HAL: variants seen among roughly 807,000 people sequenced by gnomAD.
The protein encoded by HAL is histidine ammonia-lyase, also known as histidase.
Under a neutral mutation model 81.1 loss-of-function variants are expected in HAL, and 85 were observed. The observed-to-expected ratio is 1.05, with a 90% CI of 0.88 to 1.25. The LOEUF (loss-of-function observed/expected upper bound fraction) is 1.25. Ranked by LOEUF, HAL falls within the 50% of genes most tolerant of loss-of-function variation. The probability of loss-of-function intolerance (pLI) is 0.00; values close to 1 mark genes in which losing one functional copy is unlikely to be tolerated. For missense variants in HAL, 798 were observed against 836.6 expected (o/e 0.95, Z 0.57); for synonymous variants, 301 against 309.2 (o/e 0.97, Z 0.28).
intron 18 of HAL, 106 bp downstream of exon 18, chr12:95,977,838 C>A: frequency 3.2e-6 from 4 of 1,232,792 alleles, no homozygotes; most frequent in Non-Finnish European, 4.8e-6. Flanking sequence ...GCCTTCCTAA[C>A]AAGTTTCCAG....
rs564224118 is a variant in HAL at position 95,976,346 on chromosome 12, G to C, written c.1833+83C>G. Reference sequence around the variant, plus strand: ...CCCAAGGAATGGCCAGAAAACAATAGAATAAGGCAATGTTTCTCCATCCCC... The same window carrying C: ...CCCAAGGAATGGCCAGAAAACAATACAATAAGGCAATGTTTCTCCATCCCC... On this transcript the variant is annotated intron_variant, in intron 20 of 20. Coordinates refer to ENST00000261208, the MANE Select transcript of HAL (RefSeq NM_002108.4). 5.5e-4 allele frequency: 601 copies of C among 1,087,998 alleles called. 4 individuals carry two copies. Among genetic ancestry groups the C allele is most frequent in the South Asian group, 3.9e-3 (314 of 80,230 alleles). 67.4% of individuals were successfully genotyped at this position (1,087,998 alleles called of 1,614,324 possible).
chr12:95,980,822 G>C lies in HAL; in HGVS notation c.1329C>G (p.Asn443Lys), dbSNP rs150083495. 80 of 1,593,586 alleles carry C rather than the reference G, an allele frequency of 5.0e-5. No homozygotes were observed. The highest frequency in any genetic ancestry group is 6.5e-5 in the Non-Finnish European group (76 of 1,161,692). Residue 443 changes from asparagine to lysine, a missense_variant, in exon 16 of 21, where the codon AAC (asparagine) becomes AAG (lysine). Coordinates refer to ENST00000261208, the MANE Select transcript of HAL (RefSeq NM_002108.4). ...ANRGETVSGG[N>K]FHGEYPAKAL... ...CTTTGGCTGGGTATTCACCATGGAA[G>C]TTTCCTCCAGAAACTGTCTCTCCCC...
intron 20 of HAL, 58 bp downstream of exon 20, chr12:95,976,371 C>G (rs773493143): frequency 7.5e-7 from 1 of 1,338,462 alleles, no homozygotes; most frequent in South Asian, 1.2e-5. Context: ...TCTCCATCCC[C>G]GACTTTGCTT....
intron 7 of HAL, 140 bp from the exon 8 acceptor site, chr12:95,993,628 T>A (rs1448704806): frequency 1.2e-6 from 1 of 836,710 alleles, no homozygotes. Context: ...AGCCTGGGTT[T>A]TCAATACCAA....
intron 15 of HAL, 180 bp downstream of exon 15, chr12:95,983,731 C>A: frequency 1.6e-6 from 1 of 630,024 alleles, no homozygotes; most frequent in South Asian, 1.9e-5. Flanking sequence ...GTCACCTCTG[C>A]CACTTACCAG....
chr12:95,986,853 C>A (rs558066289), intron 12 of HAL, among the ~76,000 whole-genome samples: 2 of 152,094 alleles, frequency 1.3e-5, no homozygotes, highest in Admixed American at 6.5e-5. Context: ...CACTCAACTT[C>A]CGGGCTGTGT....
At position 95,993,665 on chromosome 12, in the gene HAL, A is replaced by G. The variant is rs780282095; in HGVS notation, c.551+107T>C. ...TCACATGCAAGGTAACCCAAGCCTCATCCTCTGATCTGTAAATTGGGGCAA... is the reference window on the plus strand; with the variant it reads ...TCACATGCAAGGTAACCCAAGCCTCGTCCTCTGATCTGTAAATTGGGGCAA... On this transcript the variant is annotated intron_variant, in intron 7 of 20. Transcript: ENST00000261208. 8 of 862,392 alleles carry G rather than the reference A, an allele frequency of 9.3e-6. No individual in the cohort carries two copies. The African/African-American group carries it at 1.2e-4, about 13-fold the overall frequency. 53.4% of individuals were successfully genotyped at this position (862,392 alleles called of 1,614,324 possible). A position where few individuals can be genotyped will look rare whatever the true frequency, so the allele number is the denominator to read the frequency against.
chr12:95,978,431 G>A (rs555162273), intron 17 of HAL, among the ~76,000 whole-genome samples: 9 of 152,262 alleles, frequency 5.9e-5, no homozygotes, highest in African/African-American at 2.2e-4. Context: ...CGTCAATTTG[G>A]TTGTGTCACC....
chr12:95,974,514 A>G (rs1424442056), intron 20 of HAL, 142 bp from the exon 21 acceptor site: 5 of 758,476 alleles, frequency 6.6e-6, no homozygotes, highest in Non-Finnish European at 1.2e-5. Context: ...ATTTTAAGCC[A>G]TTTGACACAT....
At chr12:95,993,310 C>T (rs909354319) in intron 8 of HAL, 141 bp downstream of exon 8, 1 of 736,580 alleles carries the variant, frequency 1.4e-6, no homozygotes, top group African/African-American at 1.7e-5. Flanking sequence ...TTCTGCATCC[C>T]TTCTCACCTC....
intron 15 of HAL, 138 bp from the exon 16 acceptor site, chr12:95,981,001 C>A (rs532173652): frequency 1.4e-6 from 1 of 727,750 alleles, no homozygotes; most frequent in Non-Finnish European, 2.5e-6. Flanking sequence ...AGTCTTCCTG[C>A]AAGAGATATA....
chr12:95,995,670 C>G lies in HAL; in HGVS notation c.241G>C (p.Glu81Gln). The G allele has an allele frequency of 6.2e-7, 1 of 1,613,444 alleles. No homozygotes were observed. The highest frequency in any genetic ancestry group is 8.5e-7 in the Non-Finnish European group (1 of 1,180,040). The change falls in exon 2 of 21, where the codon GAA becomes CAA. Residue 81 changes from glutamate (E) to glutamine (Q), a missense_variant. Glu to Gln is a conservative substitution (Grantham distance 29). Transcript: ENST00000261208. Reference protein sequence around the residue: ...EVALENNEFVEVVIEGDAMSP... With the variant: ...EVALENNEFVQVVIEGDAMSP... ...CTCTCCTGCAGCCACTCACCCACTT[C>G]CACGAACTCGTTGTTCTCTAGGGCC...
chr12:95,974,471 A>T, intron 20 of HAL, 99 bp from the exon 21 acceptor site: 1 of 1,021,466 alleles, frequency 9.8e-7, no homozygotes. Context: ...TACTCTATAC[A>T]TGACCAGACA....
chr12:95,983,204 AC>A (rs1177942477), intron 15 of HAL, among the ~76,000 whole-genome samples: 1 of 152,188 alleles, frequency 6.6e-6, no homozygotes, highest in African/African-American at 2.4e-5. Flanking sequence ...CCTGGCCAAC[AC>A]AGCAAAACCC....
rs1393349832 is a variant in HAL at position 95,980,549 on chromosome 12, T to C, written c.1519+7A>G. 6.2e-7 allele frequency: 1 copy of C among 1,612,224 alleles called. No individual in the cohort carries two copies. Among genetic ancestry groups the C allele is most frequent in the African/African-American group, 1.3e-5 (1 of 74,844 alleles). On this transcript the variant is annotated splice_region_variant and intron_variant, in intron 17 of 20. Coordinates refer to ENST00000261208, the MANE Select transcript of HAL (RefSeq NM_002108.4). Reference sequence around the variant, plus strand: ...CGTGTGTTCTGGGAAAGGGGCAGTGTCCTTACCAAGGGCTGCTGCCGTGCA... The same window carrying C: ...CGTGTGTTCTGGGAAAGGGGCAGTGCCCTTACCAAGGGCTGCTGCCGTGCA...
chr12:95,990,091 G>C (rs1949950374), intron 10 of HAL, among the ~76,000 whole-genome samples: 1 of 152,194 alleles, frequency 6.6e-6, no homozygotes, highest in African/African-American at 2.4e-5. Flanking sequence ...GAGAGTGTGT[G>C]ACCTCCCTGC....
chr12:95,978,337 G>C lies in HAL; in HGVS notation c.1520-259C>G, dbSNP rs1045258579. 2.0e-5 allele frequency among the ~76,000 whole-genome samples: 3 copies of C among 152,142 alleles called. No individual in the cohort carries two copies. In the South Asian group the frequency reaches 6.2e-4, roughly 32 times the overall value. ...GAACTGGGAATTCTAATATAACAAG[G>C]CCAAGATGACAACCTGGGAAGCATA... is the stretch of plus-strand genomic sequence containing the variant. On this transcript the variant is annotated intron_variant, in intron 17 of 20. Transcript: ENST00000261208.
At chr12:95,995,515 C>T (rs1226995291) in intron 2 of HAL, 149 bp downstream of exon 2, 10 of 1,002,294 alleles carry the variant, frequency 1.0e-5, no homozygotes, top group Admixed American at 1.9e-5. Flanking sequence ...GACTTAAGAT[C>T]CCCAGAGGCG....
At chr12:95,995,293 T>G (rs985306485) in intron 2 of HAL, 2 of 566,136 alleles carry the variant, frequency 3.5e-6, no homozygotes, top group East Asian at 3.1e-5. Context: ...GCTGCCGGCC[T>G]CCAGTCTGGG....
Sources: gnomAD v4.1 joint callset for allele counts (sites outside exome capture counted in the v4.1 genomes callset) on GRCh38, gnomAD v4.1.1 for gene constraint, MANE v1.5 for transcripts, NCBI Gene and HGNC (gene_info 2026-07-23, HGNC 2026-07-21) for gene names.